The following STPG2 variants were observed in gnomAD, a reference collection of about 807,000 sequenced individuals.
STPG2 encodes sperm tail PG-rich repeat containing 2.
A neutral mutation model predicts 54.2 loss-of-function variants in STPG2; 56 were observed. That is an observed-to-expected ratio of 1.03 (90% CI 0.83 to 1.29). The LOEUF is 1.29. Ranked by LOEUF, STPG2 falls within the 50% of genes most tolerant of loss-of-function variation. The probability of loss-of-function intolerance (pLI) is 0.00; values close to 1 mark genes in which losing one functional copy is unlikely to be tolerated. For synonymous variants in STPG2, 200 were observed against 181.8 expected (o/e 1.10, Z -0.81); for missense variants, 596 against 544.9 (o/e 1.09, Z -0.93).
chr4:97,506,019 CAAAAAAAAAAAAA>C (rs59206485), intron 4 of STPG2, among the ~76,000 whole-genome samples: 6 of 16,922 alleles, frequency 3.5e-4, no homozygotes, highest in Admixed American at 6.3e-4. Context: ...AATAGGAGAC[CAAAAAAAAAAAAA>C]AAAAAAAAAA....
intron 10 of STPG2, among the ~76,000 whole-genome samples, chr4:97,664,491 T>A (rs891551444): frequency 3.3e-5 from 5 of 152,214 alleles, no homozygotes; most frequent in African/African-American, 1.2e-4. Context: ...CTTTCTCTAT[T>A]TCCTCAGTGT....
intron 10 of STPG2, among the ~76,000 whole-genome samples, chr4:97,659,322 G>C (rs755543446): frequency 3.3e-5 from 5 of 152,162 alleles, no homozygotes; most frequent in Non-Finnish European, 7.3e-5. Flanking sequence ...GGCTTGGATT[G>C]AGCATATTCA....
At chr4:97,726,813 TAC>T (rs746408517) in intron 9 of STPG2, among the ~76,000 whole-genome samples, 34 of 141,368 alleles carry the variant, frequency 2.4e-4, no homozygotes, top group African/African-American at 6.9e-4. Context: ...AATACAAACA[TAC>T]ACACACACAC....
intron 5 of STPG2, among the ~76,000 whole-genome samples, chr4:97,998,922 G>A (rs1735327131): frequency 6.6e-6 from 1 of 152,126 alleles, no homozygotes; most frequent in Non-Finnish European, 1.5e-5. Flanking sequence ...CCTTAGAGAG[G>A]GGAGAAAAAG....
chr4:97,446,034 T>C, intron 4 of STPG2, among the ~76,000 whole-genome samples: 1 of 152,220 alleles, frequency 6.6e-6, no homozygotes, highest in East Asian at 1.9e-4. Context: ...GTTCAATATA[T>C]ATTAACTTTT....
At chr4:97,976,746 T>C (rs932930566) in intron 6 of STPG2, among the ~76,000 whole-genome samples, 2 of 152,178 alleles carry the variant, frequency 1.3e-5, no homozygotes, top group African/African-American at 2.4e-5. Context: ...CCTTAAAATA[T>C]GTAAGATTCT....
Position 98,076,691 on chromosome 4 carries a change from A to T in STPG2, c.612+29262T>A, listed in dbSNP as rs562935899. Among the ~76,000 whole-genome samples, 7 of 152,324 alleles carry T rather than the reference A, an allele frequency of 4.6e-5. No individual in the cohort carries two copies. In the South Asian group the frequency reaches 1.5e-3, roughly 32 times the overall value. On this transcript the variant is annotated intron_variant, in intron 5 of 10. Transcript: ENST00000295268. ...AATGTTGGAAGACATTTGATGTAAG[A>T]GTCGCAAATGCCAGCAATATCTCTA...
At chr4:98,137,855 C>G (rs1215788379) in intron 1 of STPG2, among the ~76,000 whole-genome samples, 1 of 151,772 alleles carries the variant, frequency 6.6e-6, no homozygotes, top group Non-Finnish European at 1.5e-5. Context: ...CTCATAAAAT[C>G]TTCATTGAAG....
chr4:98,018,419 G>C (rs865894480), intron 5 of STPG2, among the ~76,000 whole-genome samples: 1 of 152,160 alleles, frequency 6.6e-6, no homozygotes, highest in Admixed American at 6.5e-5. Flanking sequence ...GTCTATCATT[G>C]TTGGACATTT....
At chr4:97,589,531 C>T (rs562185275) in intron 10 of STPG2, among the ~76,000 whole-genome samples, 3 of 152,146 alleles carry the variant, frequency 2.0e-5, no homozygotes, top group South Asian at 2.1e-4. Flanking sequence ...CTTAACCATA[C>T]GACAATTTTC....
At chr4:98,099,750 C>G (rs1738971117) in intron 5 of STPG2, among the ~76,000 whole-genome samples, 1 of 151,974 alleles carries the variant, frequency 6.6e-6, no homozygotes, top group African/African-American at 2.4e-5. Flanking sequence ...ATATATATAC[C>G]TGCTATGTAC....
chr4:97,950,266 T>C (rs1276947171), intron 7 of STPG2, among the ~76,000 whole-genome samples: 2 of 152,096 alleles, frequency 1.3e-5, no homozygotes, highest in Admixed American at 6.6e-5. Context: ...TTACATAATC[T>C]ATTATTTCCT....
chr4:97,534,116 G>A (rs970100002), intron 4 of STPG2, among the ~76,000 whole-genome samples: 7 of 151,830 alleles, frequency 4.6e-5, no homozygotes, highest in African/African-American at 1.7e-4. Context: ...GGTGTATAAT[G>A]GTATATTATT....
intron 5 of STPG2, among the ~76,000 whole-genome samples, chr4:98,041,513 G>A (rs1236398179): frequency 6.6e-6 from 1 of 151,782 alleles, no homozygotes; most frequent in East Asian, 1.9e-4. Context: ...TTCCTTCTAT[G>A]CCTAGTTTTT....
At chr4:97,969,873 C>T (rs1005436344) in intron 7 of STPG2, among the ~76,000 whole-genome samples, 3 of 152,160 alleles carry the variant, frequency 2.0e-5, no homozygotes, top group Admixed American at 1.3e-4. Context: ...AGTCAAATTG[C>T]CCCTGTTTGC....
chr4:97,524,911 A>C (rs1011091294), intron 4 of STPG2, among the ~76,000 whole-genome samples: 7 of 151,986 alleles, frequency 4.6e-5, no homozygotes, highest in Non-Finnish European at 8.8e-5. Context: ...AACTGATTGA[A>C]ACATCAAGTT....
intron 10 of STPG2, among the ~76,000 whole-genome samples, chr4:97,694,931 C>T (rs1181383930): frequency 1.4e-5 from 2 of 147,144 alleles, no homozygotes; most frequent in African/African-American, 4.9e-5. Context: ...TAGTACCAAT[C>T]TTATTGACAC....
At chr4:97,939,941 G>A (rs58111236) in intron 8 of STPG2, among the ~76,000 whole-genome samples, 6 of 152,132 alleles carry the variant, frequency 3.9e-5, no homozygotes, top group Non-Finnish European at 7.4e-5. Flanking sequence ...GCTGGTAGTG[G>A]TGTTTCCTTT....
At chr4:97,687,320 C>CTTT (rs33977046) in intron 10 of STPG2, among the ~76,000 whole-genome samples, 4 of 146,246 alleles carry the variant, frequency 2.7e-5, no homozygotes, top group Non-Finnish European at 3.0e-5. Flanking sequence ...TGCACTGAAT[C>CTTT]TTTTTTTTTT....
Sources: allele counts gnomAD v4.1 joint callset (sites outside exome capture counted in the v4.1 genomes callset), GRCh38; gene constraint gnomAD v4.1.1; transcripts MANE v1.5; gene names NCBI Gene and HGNC (gene_info 2026-07-23, HGNC 2026-07-21).